The following PEAK1 variants were observed in gnomAD, a reference collection of about 807,000 sequenced individuals.
The protein encoded by PEAK1 is pseudopodium enriched atypical kinase 1.
PEAK1 carries 54 observed loss-of-function variants against 124.7 expected under a neutral mutation model. The ratio of observed to expected loss-of-function variants is 0.43; its 90% CI spans 0.35 to 0.54. The LOEUF is 0.54. Among genes scored for constraint, PEAK1 ranks in the 20% least tolerant of loss-of-function variants. The probability of loss-of-function intolerance (pLI) is 0.01; values close to 1 mark genes in which losing one functional copy is unlikely to be tolerated. For synonymous variants in PEAK1, 719 were observed against 760.0 expected (o/e 0.95, Z 0.89); for missense variants, 2,046 against 2,134.5 (o/e 0.96, Z 0.82).
Position 77,141,224 on chromosome 15 carries a change from A to G in PEAK1, c.3332-7474T>C, listed in dbSNP as rs575430677. 2.6e-5 allele frequency among the ~76,000 whole-genome samples: 4 copies of G among 152,308 alleles called. No individual in the cohort carries two copies. In the East Asian group the frequency reaches 7.7e-4, roughly 29 times the overall value. ...ACAGGATACAAGATCAACATACAAA[A>G]ACCAATTCATTTCTATACATTATAA... On this transcript the variant is annotated intron_variant, in intron 8 of 9. Transcript: ENST00000682557.
In PEAK1 at chr15:77,226,199, T is replaced by C. The variant is rs1005149257; in HGVS notation, c.-115+26168A>G. On this transcript the variant is annotated intron_variant, in intron 6 of 9. Transcript: ENST00000682557. The stretch of plus-strand genomic sequence containing the variant: ...TTCTCTTGTGGCTTTTTGCATTACA[T>C]TATCAGTTAAACATTCTAAAGATAT... 5.4e-5 allele frequency among the ~76,000 whole-genome samples: 8 copies of C among 146,858 alleles called. No homozygotes were observed. In the East Asian group the frequency reaches 1.6e-3, roughly 29 times the overall value.
At chr15:77,217,129 T>C (rs2059181890) in intron 6 of PEAK1, among the ~76,000 whole-genome samples, 1 of 146,742 alleles carries the variant, frequency 6.8e-6, no homozygotes. Flanking sequence ...CTCAGGAGGC[T>C]GAGGTGGAAG....
chr15:77,324,226 C>A (rs2065424997), intron 2 of PEAK1, among the ~76,000 whole-genome samples: 1 of 152,162 alleles, frequency 6.6e-6, no homozygotes, highest in Non-Finnish European at 1.5e-5. Flanking sequence ...GCCTGTAATC[C>A]CAGCACTTTG....
intron 2 of PEAK1, among the ~76,000 whole-genome samples, chr15:77,341,303 C>G (rs1192037405): frequency 6.6e-6 from 1 of 151,984 alleles, no homozygotes; most frequent in Non-Finnish European, 1.5e-5. Context: ...AGTTTGAGAC[C>G]AGCCTGGCCA....
intron 1 of PEAK1, chr15:77,381,523 C>A (rs2069482698): frequency 3.3e-6 from 3 of 921,720 alleles, no homozygotes; most frequent in Non-Finnish European, 3.9e-6. Context: ...TTTATCTTTT[C>A]CATTACAGAT....
chr15:77,257,629 C>T (rs564156496), intron 5 of PEAK1, among the ~76,000 whole-genome samples: 1 of 151,436 alleles, frequency 6.6e-6, no homozygotes, highest in South Asian at 2.1e-4. Flanking sequence ...GGATATTAGC[C>T]CTTTGTCAGA....
intron 2 of PEAK1, among the ~76,000 whole-genome samples, chr15:77,292,856 C>T (rs988472408): frequency 1.3e-5 from 2 of 152,018 alleles, no homozygotes; most frequent in African/African-American, 2.4e-5. Flanking sequence ...ATATGACATA[C>T]GTAGCAGGAA....
chr15:77,232,604 T>C lies in PEAK1; in HGVS notation c.-115+19763A>G, dbSNP rs75914611. 3.7e-3 allele frequency among the ~76,000 whole-genome samples: 564 copies of C among 152,272 alleles called. 3 individuals carry two copies. The highest frequency in any genetic ancestry group is 0.013 in the African/African-American group (545 of 41,552). ...CCAAAATTCTACCAACCTAACTGCA[T>C]CTACTCTCACACACACTGCCTTTTC... is the stretch of plus-strand genomic sequence containing the variant. On this transcript the variant is annotated intron_variant, in intron 6 of 9. Coordinates refer to ENST00000682557, the MANE Select transcript of PEAK1 (RefSeq NM_001385026.1).
At chr15:77,343,829 T>C (rs912034532) in intron 2 of PEAK1, among the ~76,000 whole-genome samples, 1 of 152,118 alleles carries the variant, frequency 6.6e-6, no homozygotes, top group Non-Finnish European at 1.5e-5. Flanking sequence ...GTGTTATAAC[T>C]AAGAAATCAC....
intron 6 of PEAK1, among the ~76,000 whole-genome samples, chr15:77,215,959 T>C (rs1238941948): frequency 6.6e-6 from 1 of 152,210 alleles, no homozygotes; most frequent in Admixed American, 6.5e-5. Context: ...TTTTGATTAC[T>C]ACAGCTTTAC....
intron 1 of PEAK1, among the ~76,000 whole-genome samples, chr15:77,382,047 A>G (rs528673179): frequency 2.7e-4 from 41 of 152,342 alleles, no homozygotes; most frequent in African/African-American, 9.6e-4. Context: ...AAATTCACAG[A>G]AAAGTTTCAA....
intron 2 of PEAK1, among the ~76,000 whole-genome samples, chr15:77,306,660 T>A (rs28524916): frequency 0.32 from 48,818 of 151,640 alleles, 8,457 homozygotes; most frequent in East Asian, 0.63. Context: ...CTTTCCTCTG[T>A]CATCCAGGGC....
intron 1 of PEAK1, among the ~76,000 whole-genome samples, chr15:77,382,977 T>C (rs1367298457): frequency 6.6e-6 from 1 of 151,806 alleles, no homozygotes; most frequent in Non-Finnish European, 1.5e-5. Flanking sequence ...CATCAGCTTC[T>C]GAATCATCAA....
At position 77,181,605 on chromosome 15, in the gene PEAK1, T is replaced by G; in HGVS notation, c.322A>C (p.Arg108=). 6.2e-7 allele frequency: 1 copy of G among 1,614,194 alleles called. No individual in the cohort carries two copies. ...KPVIIGWNRN[R]AALSQKPLNN... ...AGTGGTTTCTGACTCAAGGCAGCTC[T>G]GTTTCGGTTCCACCCTATGATGACA... The change falls in exon 7 of 10, where the codon AGA becomes CGA. Residue 108 remains arginine, a synonymous_variant. Coordinates refer to ENST00000682557, the MANE Select transcript of PEAK1 (RefSeq NM_001385026.1).
intron 1 of PEAK1, among the ~76,000 whole-genome samples, chr15:77,392,578 C>T (rs1868971907): frequency 6.6e-6 from 1 of 152,144 alleles, no homozygotes; most frequent in South Asian, 2.1e-4. Context: ...CCTACATCTT[C>T]ATGTCTATGC....
intron 2 of PEAK1, chr15:77,349,401 A>C: frequency 1.0e-6 from 1 of 979,852 alleles, no homozygotes; most frequent in South Asian, 4.7e-5. Flanking sequence ...TGTTGTATTT[A>C]AGAGAGTCAA....
intron 1 of PEAK1, among the ~76,000 whole-genome samples, chr15:77,387,192 C>A (rs1247523407): frequency 1.3e-5 from 2 of 152,156 alleles, no homozygotes; most frequent in Non-Finnish European, 2.9e-5. Context: ...TCTACAAAAA[C>A]ACTTGCTCCC....
chr15:77,323,190 A>C (rs1298216736), intron 2 of PEAK1, among the ~76,000 whole-genome samples: 1 of 152,334 alleles, frequency 6.6e-6, no homozygotes, highest in South Asian at 2.1e-4. Flanking sequence ...TGAATGGGCA[A>C]AAACTGGAAG....
At chr15:77,169,817 T>C (rs1034008862) in intron 7 of PEAK1, among the ~76,000 whole-genome samples, 4 of 152,198 alleles carry the variant, frequency 2.6e-5, no homozygotes, top group African/African-American at 7.2e-5. Context: ...GAATCAAAGA[T>C]GACCCTTAAT....
Sources: allele counts gnomAD v4.1 joint callset (sites outside exome capture counted in the v4.1 genomes callset), GRCh38; gene constraint gnomAD v4.1.1; transcripts MANE v1.5; gene names NCBI Gene and HGNC (gene_info 2026-07-23, HGNC 2026-07-21).